TMEM63A: variants seen among roughly 807,000 people sequenced by gnomAD.
TMEM63A encodes the protein mechanosensitive cation channel TMEM63A.
Under a neutral mutation model 100.6 loss-of-function variants are expected in TMEM63A, and 76 were observed. The observed-to-expected ratio is 0.76, with a 90% CI of 0.63 to 0.91. TMEM63A has a LOEUF of 0.91. Among genes scored for constraint, TMEM63A ranks in the 40% least tolerant of loss-of-function variants. TMEM63A has a pLI of 0.00. For missense variants in TMEM63A, 876 were observed against 1,008.8 expected (o/e 0.87, Z 1.78); for synonymous variants, 401 against 401.1 (o/e 1.00, Z 0.00).
chr1:225,844,542 G>A (rs759824657), downstream of TMEM63A: 11 of 1,614,142 alleles, frequency 6.8e-6, no homozygotes, highest in African/African-American at 1.3e-5. Context: ...ATGCTCTACT[G>A]GACAACAGGC....
rs1669150653 is a variant in TMEM63A at position 225,848,630 on chromosome 1, C to G, written c.2188-76G>C. The G allele has an allele frequency of 2.7e-6, 4 of 1,467,108 alleles. No homozygotes were observed. The African/African-American group carries it at 4.2e-5, about 15-fold the overall frequency. 90.9% of individuals were successfully genotyped at this position (1,467,108 alleles called of 1,614,324 possible). A position where few individuals can be genotyped will look rare whatever the true frequency, so the allele number is the denominator to read the frequency against. ...AACAAACACCCTCCAAACACACAGA[C>G]TATTAACACCCGGAATAATAGTACC... On this transcript the variant is annotated intron_variant, in intron 22 of 24. Transcript: ENST00000366835.
intron 9 of TMEM63A, chr1:225,866,215 AAG>A: frequency 1.8e-6 from 1 of 545,204 alleles, no homozygotes; most frequent in South Asian, 2.1e-5. Flanking sequence ...GAGACTGAGA[AAG>A]AGGGGAAGTG....
chr1:225,868,031 C>A lies in TMEM63A; in HGVS notation c.372-1G>T. The A allele has an allele frequency of 1.2e-6, 2 of 1,614,154 alleles. No homozygotes were observed. Among genetic ancestry groups the A allele is most frequent in the Non-Finnish European group, 1.7e-6 (2 of 1,180,000 alleles). ...ACACCATTCCAGGATCTGGTCATCA[C>A]TGGCCAAGACACAGAGGAATCTTAA... On this transcript the variant is annotated splice_acceptor_variant, in intron 6 of 24. Coordinates refer to ENST00000366835, the MANE Select transcript of TMEM63A (RefSeq NM_014698.3). LOFTEE classifies it high-confidence loss of function.
intron 20 of TMEM63A, among the ~76,000 whole-genome samples, chr1:225,850,632 G>A (rs142242270): frequency 7.6e-4 from 116 of 152,234 alleles, no homozygotes; most frequent in African/African-American, 2.2e-3. Flanking sequence ...TGCGAACTTC[G>A]CCTGGCATTG....
intron 17 of TMEM63A, 130 bp downstream of exon 17, chr1:225,856,522 G>A (rs938075068): frequency 2.5e-6 from 2 of 815,582 alleles, no homozygotes; most frequent in African/African-American, 1.8e-5. Flanking sequence ...TGCACGCCGA[G>A]TGGTTGCGAC....
intron 5 of TMEM63A, chr1:225,871,463 A>G (rs571982806): frequency 1.5e-4 from 39 of 263,152 alleles, no homozygotes; most frequent in African/African-American, 8.0e-4. Flanking sequence ...AATGGATTGG[A>G]CGGTCCGCTG....
At chr1:225,859,109 C>A in intron 15 of TMEM63A, 87 bp downstream of exon 15, 2 of 1,582,580 alleles carry the variant, frequency 1.3e-6, no homozygotes, top group East Asian at 2.2e-5. Context: ...CCGCACACAC[C>A]CCACTCCTGT....
chr1:225,861,035 T>C, intron 13 of TMEM63A, 38 bp from the exon 14 acceptor site: 1 of 1,564,378 alleles, frequency 6.4e-7, no homozygotes, highest in South Asian at 1.2e-5. Flanking sequence ...CCCAGGCTAC[T>C]CAGGTTACCA....
chr1:225,877,598 G>T lies in TMEM63A; in HGVS notation c.-14-4C>A. 1 of 1,609,726 alleles carries T rather than the reference G, an allele frequency of 6.2e-7. No individual in the cohort carries two copies. The highest frequency in any genetic ancestry group is 1.1e-5 in the South Asian group (1 of 90,574). ...TCCATCATCGCGCCTGTCTTCCCTG[G>T]AGCACAGGACAACAGGACAAGGCAG... On this transcript the variant is annotated splice_region_variant and splice_polypyrimidine_tract_variant and intron_variant, in intron 2 of 24. Coordinates refer to ENST00000366835, the MANE Select transcript of TMEM63A (RefSeq NM_014698.3).
chr1:225,865,898 G>A lies in TMEM63A; in HGVS notation c.745C>T (p.Arg249Trp), dbSNP rs574552778. ...ARKETVESHF[R>W]DAYPTCEVVD... ...TCCCCTCCCACCCCACCTGCTTACC[G>A]GAAGTGGCTCTCCACAGTCTCCTTC... is the stretch of plus-strand genomic sequence containing the variant. Residue 249 changes from arginine (R) to tryptophan (W), a missense_variant and splice_region_variant, in exon 10 of 25, where the codon CGG (arginine) becomes TGG (tryptophan). This residue lies in a region of TMEM63A where 487 missense variants were observed against 581.9 expected (regional missense o/e 0.84). Coordinates refer to ENST00000366835, the MANE Select transcript of TMEM63A (RefSeq NM_014698.3). The surrounding 1 kb of genome is among the most constrained non-coding windows in gnomAD (Gnocchi z 4.6). 1.5e-5 allele frequency: 25 copies of A among 1,613,862 alleles called. No individual in the cohort carries two copies. The highest frequency in any genetic ancestry group is 1.1e-4 in the South Asian group (10 of 91,036).
chr1:225,862,762 A>G lies in TMEM63A; in HGVS notation c.827+9T>C, dbSNP rs755734448. 3.1e-6 allele frequency: 5 copies of G among 1,613,854 alleles called. No homozygotes were observed. Among genetic ancestry groups the G allele is most frequent in the South Asian group, 1.1e-5 (1 of 91,078 alleles). On this transcript the variant is annotated intron_variant, in intron 11 of 24. Transcript: ENST00000366835. The surrounding 1 kb of genome is among the most constrained non-coding windows in gnomAD (Gnocchi z 5.1). ...AGGGGGCATCTTGCAAGGCCCGCCCACCACTCACTTCTCCTTGCACAGGTA... is the reference window on the plus strand; with the variant it reads ...AGGGGGCATCTTGCAAGGCCCGCCCGCCACTCACTTCTCCTTGCACAGGTA...
At chr1:225,845,227 G>A (rs4149229), downstream of TMEM63A, 12,255 of 1,614,102 alleles carry the variant, frequency 7.6e-3, 473 homozygotes, top group East Asian at 0.09. Context: ...TGAGGTTCAA[G>A]TACCCAAAGC....
chr1:225,871,146 A>T (rs1180156391), intron 5 of TMEM63A, 33 bp from the exon 6 acceptor site: 1 of 1,610,632 alleles, frequency 6.2e-7, no homozygotes. Context: ...TTAGCTTCCA[A>T]CATTTGTGTC....
chr1:225,878,780 G>C (rs1670938434), intron 2 of TMEM63A, among the ~76,000 whole-genome samples: 1 of 152,084 alleles, frequency 6.6e-6, no homozygotes, highest in African/African-American at 2.4e-5. Flanking sequence ...CCAAACAGAT[G>C]TTTGGATACC....
intron 16 of TMEM63A, 30 bp downstream of exon 16, chr1:225,856,881 G>A (rs1156430034): frequency 6.2e-7 from 1 of 1,603,978 alleles, no homozygotes; most frequent in East Asian, 2.2e-5. Context: ...CCTTCTTAGG[G>A]GCAGGGCCTC....
chr1:225,873,114 C>T (rs920353537), intron 4 of TMEM63A, among the ~76,000 whole-genome samples: 6 of 152,166 alleles, frequency 3.9e-5, no homozygotes, highest in African/African-American at 1.4e-4. Flanking sequence ...TGACCTTCAC[C>T]GTGACCTCAT....
At chr1:225,856,062 C>G in intron 17 of TMEM63A, 122 bp from the exon 18 acceptor site, 12 of 965,586 alleles carry the variant, frequency 1.2e-5, no homozygotes, top group Non-Finnish European at 1.9e-5. Context: ...TTGTTCTCAA[C>G]GATGCCACTT....
rs1405986059 is a variant in TMEM63A at position 225,853,621 on chromosome 1, G to C, written c.1797+8C>G. The C allele has an allele frequency of 1.3e-6, 2 of 1,555,212 alleles. No homozygotes were observed. Among genetic ancestry groups the C allele is most frequent in the Non-Finnish European group, 8.7e-7 (1 of 1,148,710 alleles). On this transcript the variant is annotated splice_region_variant and intron_variant, in intron 19 of 24. Transcript: ENST00000366835. This position sits in a 1 kb window ranked among gnomAD's most constrained non-coding sequence, Gnocchi z 4.0. ...CAGAGGCACAGCCCTGGGCCCAGGG[G>C]ATGGCACCTGCTTGACATTCCTGCG...
downstream of TMEM63A, among the ~76,000 whole-genome samples, chr1:225,843,225 C>T (rs1668582862): frequency 2.0e-5 from 3 of 151,972 alleles, no homozygotes; most frequent in South Asian, 2.1e-4. Context: ...TTTGTCTAAG[C>T]GGCAGAGAGG....
Sources: gnomAD v4.1 joint callset for allele counts (sites outside exome capture counted in the v4.1 genomes callset) on GRCh38, gnomAD v4.1.1 for gene constraint, gnomAD v4.1.1 regional missense constraint, Gnocchi (gnomAD v3.1) non-coding constraint, MANE v1.5 for transcripts, NCBI Gene and HGNC (gene_info 2026-07-23, HGNC 2026-07-21) for gene names.